The following LYN variants were observed in gnomAD, a reference collection of about 807,000 sequenced individuals.
LYN encodes the protein tyrosine-protein kinase Lyn.
LYN carries 12 observed loss-of-function variants against 65.0 expected under a neutral mutation model. The observed-to-expected ratio is 0.18, with a 90% CI of 0.12 to 0.30. The LOEUF (loss-of-function observed/expected upper bound fraction) is 0.30, where lower values mean the gene tolerates loss of function less well. LYN is among the 10% of genes least tolerant of loss of function. The pLI is 1.00. For missense variants in LYN, 380 were observed against 623.2 expected, an observed-to-expected ratio of 0.61 and a Z score of 4.16; for synonymous variants, 222 against 221.2, an observed-to-expected ratio of 1.00 and a Z score of -0.03.
chr8:55,952,927 T>G (rs929661562), intron 7 of LYN, among the ~76,000 whole-genome samples: 1 of 152,208 alleles, frequency 6.6e-6, no homozygotes, highest in African/African-American at 2.4e-5. Context: ...GGCCTGAGAC[T>G]CTGGGTCCCT....
rs530552479 is a variant in LYN, at chr8:56,005,593, C to T, written c.1337-4315C>T. Among the ~76,000 whole-genome samples the T allele has an allele frequency of 2.6e-4, 40 of 152,358 alleles. 1 individual carries two copies. The highest frequency in any genetic ancestry group is 2.5e-3 in the Admixed American group (38 of 15,308). ...TGCACTTTCTTCCTCTTGGCTCAGA[C>T]CACTTCTTCCTCTGGCTGCCAGATG... On this transcript the variant is annotated intron_variant, in intron 12 of 12. Coordinates refer to ENST00000519728, the MANE Select transcript of LYN (RefSeq NM_002350.4).
chr8:55,969,074 A>T (rs1425887254), intron 9 of LYN, among the ~76,000 whole-genome samples: 1 of 152,160 alleles, frequency 6.6e-6, no homozygotes, highest in Non-Finnish European at 1.5e-5. Flanking sequence ...TGAGTCCAGG[A>T]ATTTGAGACC....
intron 10 of LYN, among the ~76,000 whole-genome samples, chr8:55,983,442 A>G (rs368243934): frequency 3.3e-5 from 5 of 151,926 alleles, no homozygotes; most frequent in East Asian, 1.9e-4. Context: ...TTTCCCCTAC[A>G]TCCCTCTCCA....
At chr8:55,931,115 A>G (rs1806257322) in intron 1 of LYN, among the ~76,000 whole-genome samples, 1 of 147,964 alleles carries the variant, frequency 6.8e-6, no homozygotes, top group Admixed American at 6.8e-5. Context: ...TATAACTTGT[A>G]TATGTTACTT....
At chr8:55,977,384 T>C (rs1807786844) in intron 10 of LYN, among the ~76,000 whole-genome samples, 1 of 152,170 alleles carries the variant, frequency 6.6e-6, no homozygotes, top group African/African-American at 2.4e-5. Context: ...GTGGATGCTT[T>C]TTGTATTTAC....
chr8:56,004,282 C>A (rs1192291624), intron 12 of LYN, among the ~76,000 whole-genome samples: 1 of 147,496 alleles, frequency 6.8e-6, no homozygotes, highest in Non-Finnish European at 1.5e-5. Context: ...AAAAGTAGTA[C>A]AGAAAGACTT....
chr8:56,005,930 T>C (rs1284995555), intron 12 of LYN, among the ~76,000 whole-genome samples: 3 of 151,766 alleles, frequency 2.0e-5, no homozygotes, highest in Non-Finnish European at 4.4e-5. Context: ...CAAAATAATT[T>C]AAAAATTACC....
chr8:55,891,794 A>G (rs558137599), intron 1 of LYN, among the ~76,000 whole-genome samples: 1 of 152,334 alleles, frequency 6.6e-6, no homozygotes, highest in Non-Finnish European at 1.5e-5. Flanking sequence ...AGGATATTTC[A>G]TTAAGTTTGA....
At chr8:55,994,601 T>C (rs2667971) in intron 10 of LYN, among the ~76,000 whole-genome samples, 48,552 of 152,058 alleles carry the variant, frequency 0.32, 9,433 homozygotes, top group African/African-American at 0.54. Context: ...CCTGCCATCA[T>C]GCCCACCTGT....
chr8:55,887,571 TATATACAC>T lies in LYN; in HGVS notation c.-6+7470_-6+7477del, dbSNP rs1432773938. 6.0e-5 allele frequency among the ~76,000 whole-genome samples: 3 copies of T among 50,352 alleles called. No individual in the cohort carries two copies. In the Admixed American group the frequency reaches 6.4e-4, roughly 11 times the overall value. 33.0% of individuals were successfully genotyped at this position (50,352 alleles called of 152,430 possible). ...ATAAAAATATAAATATATATATATA[TATATACAC>T]ACACACACACACACACACACACACA... On this transcript the variant is annotated intron_variant, in intron 1 of 12. Transcript: ENST00000519728.
At chr8:55,974,026 C>T (rs976334900) in intron 10 of LYN, among the ~76,000 whole-genome samples, 34 of 152,224 alleles carry the variant, frequency 2.2e-4, no homozygotes, top group African/African-American at 7.5e-4. Flanking sequence ...AGCACTTCTA[C>T]CTCCATTATC....
At chr8:55,942,683 G>A (rs1196251437) in intron 2 of LYN, among the ~76,000 whole-genome samples, 1 of 151,316 alleles carries the variant, frequency 6.6e-6, no homozygotes, top group East Asian at 1.9e-4. Flanking sequence ...TACTCAGGAG[G>A]CTGAGGCAGG....
intron 12 of LYN, among the ~76,000 whole-genome samples, chr8:56,003,216 C>G (rs1007981897): frequency 6.6e-6 from 1 of 150,656 alleles, no homozygotes; most frequent in Non-Finnish European, 1.5e-5. Flanking sequence ...CCCGCCACCA[C>G]GCCCAGCTAA....
intron 1 of LYN, among the ~76,000 whole-genome samples, chr8:55,923,835 G>A (rs1373762462): frequency 2.0e-5 from 3 of 151,504 alleles, no homozygotes; most frequent in South Asian, 2.1e-4. Context: ...CACCGCGCCC[G>A]GCCAAGATCA....
At chr8:55,907,748 C>T (rs1805470370) in intron 1 of LYN, among the ~76,000 whole-genome samples, 1 of 152,002 alleles carries the variant, frequency 6.6e-6, no homozygotes, top group South Asian at 2.1e-4. Context: ...CGCCTGTGGT[C>T]CCAGCTACTA....
At chr8:55,911,130 C>CGT (rs1369720968) in intron 1 of LYN, among the ~76,000 whole-genome samples, 4 of 5,228 alleles carry the variant, frequency 7.7e-4, no homozygotes, top group Admixed American at 3.1e-3. Flanking sequence ...TATATATACA[C>CGT]ATACATATAT....
intron 8 of LYN, among the ~76,000 whole-genome samples, chr8:55,965,674 T>C (rs1019468594): frequency 1.6e-4 from 25 of 152,194 alleles, no homozygotes; most frequent in Admixed American, 1.2e-3. Context: ...TGTGTGTCTG[T>C]GTATCTATAA....
chr8:56,011,188 A>G lies in LYN; in HGVS notation c.*1078A>G, dbSNP rs1048131407. On this transcript the variant is annotated 3_prime_UTR_variant, in exon 13 of 13. Coordinates refer to ENST00000519728, the MANE Select transcript of LYN (RefSeq NM_002350.4). ...AGACTATTTATACCCAAGGATATGA[A>G]GGAACATAAGTGACTACAAGGCTCT... The G allele has an allele frequency of 1.8e-5, 4 of 227,892 alleles. No individual in the cohort carries two copies. Among genetic ancestry groups the G allele is most frequent in the Non-Finnish European group, 3.5e-5 (4 of 114,822 alleles). 14.1% of individuals were successfully genotyped at this position (227,892 alleles called of 1,614,324 possible). A position where few individuals can be genotyped will look rare whatever the true frequency, so the allele number is the denominator to read the frequency against.
intron 1 of LYN, among the ~76,000 whole-genome samples, chr8:55,935,152 T>C (rs1019243368): frequency 2.0e-5 from 3 of 152,172 alleles, no homozygotes; most frequent in Non-Finnish European, 4.4e-5. Flanking sequence ...ACACTGTTCC[T>C]ATTACACATG....
Sources: gnomAD v4.1 joint callset for allele counts (sites outside exome capture counted in the v4.1 genomes callset) on GRCh38, gnomAD v4.1.1 for gene constraint, MANE v1.5 for transcripts, NCBI Gene and HGNC (gene_info 2026-07-23, HGNC 2026-07-21) for gene names.